UGGT2: variants seen among roughly 807,000 people sequenced by gnomAD.
UGGT2 encodes the protein UDP-glucose:glycoprotein glucosyltransferase 2.
UGGT2 carries 180 observed loss-of-function variants against 192.1 expected under a neutral mutation model. The observed-to-expected ratio is 0.94, with a 90% CI of 0.83 to 1.06. The LOEUF is 1.06. UGGT2 is among the 50% of genes least tolerant of loss of function. The pLI, the probability that UGGT2 is intolerant of heterozygous loss-of-function variation, is 0.00. For synonymous variants in UGGT2, 580 were observed against 591.0 expected, an observed-to-expected ratio of 0.98 and a Z score of 0.27; for missense variants, 1,849 against 1,795.7, an observed-to-expected ratio of 1.03 and a Z score of -0.54.
chr13:95,873,815 C>T (rs947803322), intron 29 of UGGT2, among the ~76,000 whole-genome samples: 1 of 152,086 alleles, frequency 6.6e-6, no homozygotes, highest in Admixed American at 6.5e-5. Context: ...CCAGTGTCAC[C>T]GCGATGATCA....
At chr13:95,846,080 G>A (rs1049443588) in intron 36 of UGGT2, among the ~76,000 whole-genome samples, 5 of 152,188 alleles carry the variant, frequency 3.3e-5, no homozygotes, top group African/African-American at 1.2e-4. Context: ...AGGCGGCTGG[G>A]AGGTGGAGGT....
intron 20 of UGGT2, among the ~76,000 whole-genome samples, chr13:95,907,211 C>T (rs1044910246): frequency 6.6e-6 from 1 of 152,314 alleles, no homozygotes. Flanking sequence ...GGGGGAGGGG[C>T]GTCCACCATT....
chr13:95,927,063 A>T lies in UGGT2; in HGVS notation c.2165T>A (p.Val722Glu), dbSNP rs773964145. 9 of 1,610,878 alleles carry T rather than the reference A, an allele frequency of 5.6e-6. No individual in the cohort carries two copies. In the Admixed American group the frequency reaches 6.7e-5, roughly 12 times the overall value. ...TAAATAATACATGTTCTTTGCAATT[A>T]CAGCACTCTTATCTTGTGAATCCAA... The part of the protein sequence containing the change: ...FFLDSQDKSA[V>E]IAKNMYYLTQ... Residue 722 changes from valine (V) to glutamate (E), a missense_variant, in exon 19 of 39, where the codon GTA (valine) becomes GAA (glutamate). Physicochemically the swap from Val to Glu is moderately radical, Grantham distance 121. Transcript: ENST00000376747.
chr13:95,947,933 C>T lies in UGGT2; in HGVS notation c.1541+63G>A. On this transcript the variant is annotated intron_variant, in intron 14 of 38. Transcript: ENST00000376747. Reference sequence around the variant, plus strand: ...AATGCCCTATTAATACTCTGTGTAACACAATATGAATAACATTGAATTTCC... The same window carrying T: ...AATGCCCTATTAATACTCTGTGTAATACAATATGAATAACATTGAATTTCC... 3 of 1,397,160 alleles carry T rather than the reference C, an allele frequency of 2.1e-6. 1 individual carries two copies. The South Asian group carries it at 3.6e-5, about 17-fold the overall frequency. 86.5% of individuals were successfully genotyped at this position (1,397,160 alleles called of 1,614,324 possible). A position where few individuals can be genotyped will look rare whatever the true frequency, so the allele number is the denominator to read the frequency against.
rs1028468255 is a variant in UGGT2 at position 95,832,923 on chromosome 13, T to C, written c.4528+4A>G. On this transcript the variant is annotated splice_donor_region_variant and intron_variant, in intron 38 of 38. Coordinates refer to ENST00000376747, the MANE Select transcript of UGGT2 (RefSeq NM_020121.4). Reference sequence around the variant, plus strand: ...TCAGACATCACAACACGTTGATGACTTACTTGTATCTTGCTTCTTGTTTTC... The same window carrying C: ...TCAGACATCACAACACGTTGATGACCTACTTGTATCTTGCTTCTTGTTTTC... 6.2e-7 allele frequency: 1 copy of C among 1,612,066 alleles called. No homozygotes were observed. The highest frequency in any genetic ancestry group is 1.3e-5 in the African/African-American group (1 of 74,962).
intron 12 of UGGT2, among the ~76,000 whole-genome samples, chr13:95,967,393 T>C (rs2050617634): frequency 1.3e-5 from 2 of 150,280 alleles, no homozygotes; most frequent in Admixed American, 1.3e-4. Flanking sequence ...CCTTGTGATT[T>C]GCCCACCACG....
chr13:95,862,042 T>C (rs1476112142), intron 31 of UGGT2, among the ~76,000 whole-genome samples: 1 of 152,162 alleles, frequency 6.6e-6, no homozygotes, highest in Non-Finnish European at 1.5e-5. Context: ...ATGGAAGCTT[T>C]TAGTAAGACA....
intron 6 of UGGT2, among the ~76,000 whole-genome samples, chr13:95,996,901 C>G (rs1474587568): frequency 6.6e-6 from 1 of 152,164 alleles, no homozygotes; most frequent in Non-Finnish European, 1.5e-5. Context: ...ATAGTCATTT[C>G]CCTTCTCCCT....
chr13:96,015,892 A>G (rs2052322616), intron 4 of UGGT2, among the ~76,000 whole-genome samples: 1 of 152,228 alleles, frequency 6.6e-6, no homozygotes, highest in Admixed American at 6.5e-5. Context: ...TATTCATTTC[A>G]TTACGGTATC....
Position 95,927,279 on chromosome 13 carries a change from C to A in UGGT2, c.2035G>T (p.Val679Leu). The change falls in exon 18 of 39, where the codon GTA becomes TTA. Residue 679 changes from valine (V) to leucine (L), a missense_variant. Val to Leu is a conservative substitution (Grantham distance 32). Transcript: ENST00000376747. ...AAAATCAAAGTATTTATACGGGGTA[C>A]AACATTATTCCTATCCATTAGAAAA... ...IDFLMDRNNV[V>L]PRINTLILRT... 1 of 1,611,730 alleles carries A rather than the reference C, an allele frequency of 6.2e-7. No homozygotes were observed. The highest frequency in any genetic ancestry group is 1.1e-5 in the South Asian group (1 of 90,614).
At chr13:95,973,844 A>G (rs1189043480) in intron 10 of UGGT2, among the ~76,000 whole-genome samples, 4 of 152,226 alleles carry the variant, frequency 2.6e-5, no homozygotes, top group Non-Finnish European at 5.9e-5. Flanking sequence ...GGGAATAATT[A>G]TATCTATCTC....
At chr13:95,860,693 T>C in intron 32 of UGGT2, 95 bp downstream of exon 32, 1 of 690,110 alleles carries the variant, frequency 1.4e-6, no homozygotes, top group East Asian at 3.3e-5. Context: ...GGTGGGAGTT[T>C]TTTTTTTCCC....
intron 1 of UGGT2, among the ~76,000 whole-genome samples, chr13:96,037,910 C>T (rs1052798034): frequency 6.6e-6 from 1 of 152,216 alleles, no homozygotes; most frequent in Admixed American, 6.5e-5. Context: ...GAAGAAACTA[C>T]AGGCTTTTGG....
chr13:95,912,709 A>C (rs1156671950), intron 20 of UGGT2, among the ~76,000 whole-genome samples: 1 of 152,142 alleles, frequency 6.6e-6, no homozygotes, highest in Admixed American at 6.5e-5. Flanking sequence ...GCTACCAATG[A>C]CTTTCTTCAC....
chr13:96,038,186 T>C (rs571672030), intron 1 of UGGT2, among the ~76,000 whole-genome samples: 1 of 152,330 alleles, frequency 6.6e-6, no homozygotes, highest in South Asian at 2.1e-4. Context: ...CCTTTCCCTA[T>C]AAAAAGTACC....
chr13:95,902,809 A>T, intron 21 of UGGT2, 45 bp downstream of exon 21: 1 of 1,548,630 alleles, frequency 6.5e-7, no homozygotes, highest in Admixed American at 1.8e-5. Flanking sequence ...CACACTTTTA[A>T]AATATGCAAT....
At chr13:95,878,280 A>G (rs1468652879) in intron 27 of UGGT2, among the ~76,000 whole-genome samples, 1 of 152,102 alleles carries the variant, frequency 6.6e-6, no homozygotes. Flanking sequence ...TTATAAATTG[A>G]TCGATATATT....
intron 5 of UGGT2, among the ~76,000 whole-genome samples, chr13:96,007,054 T>C (rs1399794998): frequency 1.3e-5 from 2 of 152,160 alleles, no homozygotes; most frequent in Non-Finnish European, 2.9e-5. Flanking sequence ...AACAACATAT[T>C]AGCAAAATGA....
intron 38 of UGGT2, among the ~76,000 whole-genome samples, chr13:95,822,270 T>A (rs1885587412): frequency 6.6e-6 from 1 of 152,090 alleles, no homozygotes; most frequent in African/African-American, 2.4e-5. Context: ...CTTGGTTAGG[T>A]ATATGCCCAG....
Sources: gnomAD v4.1 joint callset for allele counts (sites outside exome capture counted in the v4.1 genomes callset) on GRCh38, gnomAD v4.1.1 for gene constraint, MANE v1.5 for transcripts, NCBI Gene and HGNC (gene_info 2026-07-23, HGNC 2026-07-21) for gene names.